PDE8A: variants seen among roughly 807,000 people sequenced by gnomAD.
The protein encoded by PDE8A is high affinity cAMP-specific and IBMX-insensitive 3',5'-cyclic phosphodiesterase 8A.
In PDE8A, 59 loss-of-function variants were observed where a neutral mutation model predicts 105.0. The observed-to-expected ratio is 0.56, with a 90% CI of 0.46 to 0.70. The LOEUF (loss-of-function observed/expected upper bound fraction) is 0.70, where lower values mean the gene tolerates loss of function less well. Ranked by LOEUF, PDE8A falls within the 30% of genes least tolerant of loss-of-function variation. PDE8A has a pLI of 0.00. For missense variants in PDE8A, 1,014 were observed against 1,045.9 expected (o/e 0.97, Z 0.42); for synonymous variants, 355 against 371.9 (o/e 0.95, Z 0.52).
chr15:85,122,206 AATG>A (rs2082193373), intron 18 of PDE8A, among the ~76,000 whole-genome samples: 1 of 152,038 alleles, frequency 6.6e-6, no homozygotes, highest in Non-Finnish European at 1.5e-5. Flanking sequence ...AATTATTTTT[AATG>A]ATTTGTGTAA....
chr15:85,077,822 T>G (rs932097280), intron 5 of PDE8A, among the ~76,000 whole-genome samples: 16 of 152,140 alleles, frequency 1.1e-4, no homozygotes, highest in Non-Finnish European at 1.5e-5. Flanking sequence ...GCAAATTTTA[T>G]GAGGAACAAA....
chr15:85,083,752 A>G (rs558201949), intron 6 of PDE8A, 108 bp downstream of exon 6: 7 of 709,308 alleles, frequency 9.9e-6, no homozygotes, highest in African/African-American at 3.5e-5. Context: ...CAGAAATGGG[A>G]TTGGAGAGAA....
At chr15:85,007,403 C>A (rs1443840556) in intron 1 of PDE8A, among the ~76,000 whole-genome samples, 2 of 150,254 alleles carry the variant, frequency 1.3e-5, no homozygotes, top group African/African-American at 4.9e-5. Context: ...TGGGAGGGGA[C>A]ACAGGGCGGC....
At chr15:85,116,418 T>C in intron 16 of PDE8A, 1 of 341,624 alleles carries the variant, frequency 2.9e-6, no homozygotes, top group South Asian at 4.6e-5. Context: ...TATGTTAAGA[T>C]TGCTGTAAGA....
At chr15:85,122,087 A>G (rs2082191530) in intron 18 of PDE8A, among the ~76,000 whole-genome samples, 1 of 152,154 alleles carries the variant, frequency 6.6e-6, no homozygotes, top group African/African-American at 2.4e-5. Context: ...GTCTCTGTTT[A>G]CATGTCACTT....
chr15:85,064,453 C>T (rs2081190467), intron 2 of PDE8A, 27 bp downstream of exon 2: 1 of 1,507,026 alleles, frequency 6.6e-7, no homozygotes, highest in Non-Finnish European at 9.2e-7. Context: ...CTGTATTTTT[C>T]ACATGCTGAT....
chr15:85,102,635 G>A (rs2081882603), intron 11 of PDE8A, among the ~76,000 whole-genome samples: 1 of 151,892 alleles, frequency 6.6e-6, no homozygotes, highest in South Asian at 2.1e-4. Flanking sequence ...GAGGTCGGGA[G>A]TTGAGAGCAG....
intron 1 of PDE8A, among the ~76,000 whole-genome samples, chr15:85,026,562 G>T (rs2080520471): frequency 6.6e-6 from 1 of 152,140 alleles, no homozygotes; most frequent in Admixed American, 6.5e-5. Flanking sequence ...GCTATCTCAA[G>T]CCTGCACAGA....
intron 3 of PDE8A, among the ~76,000 whole-genome samples, chr15:85,075,168 A>G (rs189071727): frequency 7.2e-5 from 11 of 152,282 alleles, no homozygotes; most frequent in Admixed American, 5.2e-4. Flanking sequence ...TTCATTCCCC[A>G]TGGCCTCTAA....
chr15:85,068,313 T>G (rs569605716), intron 3 of PDE8A, among the ~76,000 whole-genome samples: 2 of 152,164 alleles, frequency 1.3e-5, no homozygotes, highest in Non-Finnish European at 2.9e-5. Flanking sequence ...GTGCTGGGAT[T>G]ACAGGTGTGA....
intron 1 of PDE8A, among the ~76,000 whole-genome samples, chr15:85,031,514 G>T (rs891621048): frequency 1.3e-5 from 2 of 152,022 alleles, no homozygotes; most frequent in Admixed American, 6.6e-5. Context: ...GACCATCTCA[G>T]TCAGAATCAC....
At chr15:85,054,984 T>C (rs1298701894) in intron 1 of PDE8A, among the ~76,000 whole-genome samples, 1 of 152,198 alleles carries the variant, frequency 6.6e-6, no homozygotes, top group Non-Finnish European at 1.5e-5. Flanking sequence ...CTGCTTTAAA[T>C]GTGTCCCAGA....
rs139064857 is a variant in PDE8A, at chr15:85,003,437, G to A, written c.186+21089G>A. 2.4e-3 allele frequency among the ~76,000 whole-genome samples: 373 copies of A among 152,246 alleles called. 4 individuals are homozygous for A. The highest frequency in any genetic ancestry group is 8.6e-3 in the African/African-American group (356 of 41,540). On this transcript the variant is annotated intron_variant, in intron 1 of 21. Transcript: ENST00000394553. ...CTGCCCACCCCAGCAGCCAGTGGAC[G>A]ACCTCTGCGATGGGCAACAACTTTC...
chr15:84,984,345 T>A (rs2079768064), intron 1 of PDE8A, among the ~76,000 whole-genome samples: 1 of 152,230 alleles, frequency 6.6e-6, no homozygotes, highest in African/African-American at 2.4e-5. Flanking sequence ...TCTAATATTT[T>A]TTCTTTGAAA....
chr15:85,061,108 T>C (rs568999223), intron 1 of PDE8A, among the ~76,000 whole-genome samples: 1 of 152,244 alleles, frequency 6.6e-6, no homozygotes, highest in Admixed American at 6.5e-5. Flanking sequence ...TATAGGATCT[T>C]TGATTGACGA....
intron 1 of PDE8A, among the ~76,000 whole-genome samples, chr15:84,999,998 A>T (rs1346249729): frequency 6.6e-6 from 1 of 152,230 alleles, no homozygotes; most frequent in Non-Finnish European, 1.5e-5. Flanking sequence ...GCTGCAATAC[A>T]GTTAAAAAGA....
intron 18 of PDE8A, among the ~76,000 whole-genome samples, chr15:85,122,765 A>T (rs1019108164): frequency 1.3e-5 from 2 of 152,190 alleles, no homozygotes; most frequent in Non-Finnish European, 2.9e-5. Context: ...AGACACCTCC[A>T]TGTGGGGTAT....
chr15:85,055,639 T>C (rs1039137125), intron 1 of PDE8A, among the ~76,000 whole-genome samples: 2 of 152,206 alleles, frequency 1.3e-5, no homozygotes, highest in African/African-American at 2.4e-5. Flanking sequence ...CAACCCCTAC[T>C]ATTTTTTGTT....
chr15:85,052,455 C>T (rs1204786986), intron 1 of PDE8A, among the ~76,000 whole-genome samples: 4 of 152,178 alleles, frequency 2.6e-5, no homozygotes, highest in Non-Finnish European at 5.9e-5. Context: ...TAAAAGTGTT[C>T]CTATTTCTCC....
Sources: gnomAD v4.1 joint callset for allele counts (sites outside exome capture counted in the v4.1 genomes callset) on GRCh38, gnomAD v4.1.1 for gene constraint, MANE v1.5 for transcripts, NCBI Gene and HGNC (gene_info 2026-07-23, HGNC 2026-07-21) for gene names.